The following QTRT1 variants were observed in gnomAD, a reference collection of about 807,000 sequenced individuals.
The protein encoded by QTRT1 is queuine tRNA-ribosyltransferase catalytic subunit 1, also known as TGT, 43-KD subunit.
A neutral mutation model predicts 44.0 loss-of-function variants in QTRT1; 41 were observed. The observed-to-expected ratio is 0.93, with a 90% confidence interval of 0.73 to 1.21. The LOEUF is 1.21. QTRT1 is among the 50% of genes most tolerant of loss of function. QTRT1 has a pLI of 0.00. For missense variants in QTRT1, 542 were observed against 575.8 expected, an observed-to-expected ratio of 0.94 and a Z score of 0.60; for synonymous variants, 226 against 237.1, an observed-to-expected ratio of 0.95 and a Z score of 0.43.
chr19:10,712,873 C>T lies in QTRT1; in HGVS notation c.971+6C>T. On this transcript the variant is annotated splice_donor_region_variant and intron_variant, in intron 8 of 9. Coordinates refer to ENST00000250237, the MANE Select transcript of QTRT1 (RefSeq NM_031209.3). The surrounding 1 kb of genome is among the most constrained non-coding windows in gnomAD (Gnocchi z 5.6). ...ACCTGCCCCACGTGCCAAAAGTAGG[C>T]AGGATGGCACTGGGAGCTGGGGCAG... 1 of 1,613,370 alleles carries T rather than the reference C, an allele frequency of 6.2e-7. No homozygotes were observed.
intron 3 of QTRT1, 38 bp from the exon 4 acceptor site, chr19:10,707,264 G>A (rs769343159): frequency 1.5e-5 from 24 of 1,606,892 alleles, no homozygotes; most frequent in Admixed American, 8.3e-5. Context: ...CAAGCATTGC[G>A]GGCTTTCCCA....
rs777332800 is a variant in QTRT1 at position 10,712,858 on chromosome 19, C to A, written c.962C>A (p.Thr321Lys). 1 of 1,613,730 alleles carries A rather than the reference C, an allele frequency of 6.2e-7. No homozygotes were observed. Among genetic ancestry groups the A allele is most frequent in the South Asian group, 1.1e-5 (1 of 91,076 alleles). ...ATAGACCCGGAGTGCACCTGCCCCA[C>A]GTGCCAAAAGTAGGCAGGATGGCAC... The part of the protein sequence containing the change: ...GPIDPECTCP[T>K]CQKHSRAFLH... Residue 321 changes from threonine to lysine, a missense_variant, in exon 8 of 10, where the codon ACG (threonine) becomes AAG (lysine). By Grantham distance (78) the Thr-to-Lys change is moderately conservative (BLOSUM62 -1). Transcript: ENST00000250237. The surrounding 1 kb of genome is among the most constrained non-coding windows in gnomAD (Gnocchi z 5.6).
chr19:10,712,369 T>G lies in QTRT1; in HGVS notation c.785+70T>G, dbSNP rs2068742907. 1.3e-6 allele frequency: 2 copies of G among 1,553,140 alleles called. No homozygotes were observed. The highest frequency in any genetic ancestry group is 2.7e-5 in the African/African-American group (2 of 73,602). ...GATTCCTGGGGACCCCCTACCCTGCTTGGGGAGGTGGCATTTGGGGGAAAC... is the reference window on the plus strand; with the variant it reads ...GATTCCTGGGGACCCCCTACCCTGCGTGGGGAGGTGGCATTTGGGGGAAAC... On this transcript the variant is annotated intron_variant, in intron 6 of 9. Coordinates refer to ENST00000250237, the MANE Select transcript of QTRT1 (RefSeq NM_031209.3). The surrounding 1 kb of genome is among the most constrained non-coding windows in gnomAD (Gnocchi z 5.6).
At chr19:10,708,765 T>A (rs924968621) in intron 5 of QTRT1, among the ~76,000 whole-genome samples, 1 of 151,090 alleles carries the variant, frequency 6.6e-6, no homozygotes, top group African/African-American at 2.4e-5. Context: ...TTTTTTTTTT[T>A]TCTTTTTTTT....
rs1599392005 is a variant in QTRT1 at position 10,701,589 on chromosome 19, T to A, written c.129T>A (p.Pro43=). The A allele has an allele frequency of 6.2e-7, 1 of 1,608,928 alleles. No homozygotes were observed. Among genetic ancestry groups the A allele is most frequent in the African/African-American group, 1.3e-5 (1 of 75,012 alleles). Residue 43 remains proline, a synonymous_variant, in exon 1 of 10, where the codon CCT becomes CCA. Coordinates refer to ENST00000250237, the MANE Select transcript of QTRT1 (RefSeq NM_031209.3). ...TGCCGCATGGGACAGTGGCCACTCCTGTGTTCATGCCAGTGGGCACGCAGG... is the reference window on the plus strand; with the variant it reads ...TGCCGCATGGGACAGTGGCCACTCCAGTGTTCATGCCAGTGGGCACGCAGG... ...LWLPHGTVAT[P]VFMPVGTQAT... is the part of the protein sequence containing the mutation.
chr19:10,711,852 G>A (rs1354752546), intron 5 of QTRT1: 1 of 483,848 alleles, frequency 2.1e-6, no homozygotes, highest in Non-Finnish European at 3.7e-6. Context: ...AACAGTTTCA[G>A]CTAAGGGACT....
intron 3 of QTRT1, among the ~76,000 whole-genome samples, chr19:10,704,003 G>A (rs924187780): frequency 6.6e-5 from 10 of 150,512 alleles, no homozygotes; most frequent in South Asian, 4.2e-4. Context: ...ATGCCACCAC[G>A]CCCAGCTAGT....
chr19:10,702,304 A>G, intron 3 of QTRT1, 50 bp downstream of exon 3: 2 of 1,588,158 alleles, frequency 1.3e-6, no homozygotes, highest in East Asian at 4.5e-5. Flanking sequence ...TCAGGGGGTG[A>G]AGTTTACACG....
chr19:10,707,834 TTG>T (rs2068721519), intron 5 of QTRT1, among the ~76,000 whole-genome samples: 1 of 27,500 alleles, frequency 3.6e-5, no homozygotes, highest in African/African-American at 3.4e-4. Context: ...TTGTTTGTTT[TTG>T]TTTTTTTTTT....
At chr19:10,705,475 G>A (rs1334845097) in intron 3 of QTRT1, among the ~76,000 whole-genome samples, 2 of 151,938 alleles carry the variant, frequency 1.3e-5, no homozygotes, top group Non-Finnish European at 2.9e-5. Flanking sequence ...CTGACCTAAG[G>A]TGATCCACCC....
chr19:10,701,792 A>C, intron 1 of QTRT1, 89 bp downstream of exon 1: 1 of 1,567,382 alleles, frequency 6.4e-7, no homozygotes, highest in South Asian at 1.2e-5. Flanking sequence ...CACTCCTCCC[A>C]AAGTCAATCG....
chr19:10,707,272 C>T (rs2068718060), intron 3 of QTRT1, 30 bp from the exon 4 acceptor site: 6 of 1,611,962 alleles, frequency 3.7e-6, no homozygotes, highest in Non-Finnish European at 5.1e-6. Flanking sequence ...GCGGGCTTTC[C>T]CAGTGATGTT....
chr19:10,712,531 C>T lies in QTRT1; in HGVS notation c.786-22C>T, dbSNP rs771992004. On this transcript the variant is annotated intron_variant, in intron 6 of 9. Coordinates refer to ENST00000250237, the MANE Select transcript of QTRT1 (RefSeq NM_031209.3). The surrounding 1 kb of genome is among the most constrained non-coding windows in gnomAD (Gnocchi z 5.6). ...AAGCCCCTGAGGTTCTCTGCCCCCTCCCGTCATGGCTGCAACCCCAGCTAT... is the reference window on the plus strand; with the variant it reads ...AAGCCCCTGAGGTTCTCTGCCCCCTTCCGTCATGGCTGCAACCCCAGCTAT... The T allele has an allele frequency of 4.3e-6, 7 of 1,609,664 alleles. No individual in the cohort carries two copies. Among genetic ancestry groups the T allele is most frequent in the Non-Finnish European group, 6.0e-6 (7 of 1,176,292 alleles).
Position 10,713,070 on chromosome 19 carries a change from G to T in QTRT1, c.1059+30G>T. The T allele has an allele frequency of 6.2e-7, 1 of 1,609,220 alleles. No homozygotes were observed. On this transcript the variant is annotated intron_variant, in intron 9 of 9. Transcript: ENST00000250237. The surrounding 1 kb of genome is among the most constrained non-coding windows in gnomAD (Gnocchi z 4.3). ...GCCAGTGCCCGGGGCAAGGTGGGCG[G>T]GGGTGTCCTAGGTGCGTATGCCCCA...
rs752054266 is a variant in QTRT1 at position 10,712,337 on chromosome 19, G to C, written c.785+38G>C. 5.1e-6 allele frequency: 8 copies of C among 1,581,446 alleles called. No individual in the cohort carries two copies. The African/African-American group carries it at 1.1e-4, about 21-fold the overall frequency. On this transcript the variant is annotated intron_variant, in intron 6 of 9. Coordinates refer to ENST00000250237, the MANE Select transcript of QTRT1 (RefSeq NM_031209.3). The surrounding 1 kb of genome is among the most constrained non-coding windows in gnomAD (Gnocchi z 5.6). The stretch of plus-strand genomic sequence containing the variant: ...TAGGGAAGCCAGAGCCCTACCTGTG[G>C]GAAGTGGATTCCTGGGGACCCCCTA...
chr19:10,704,693 T>C (rs1216769143), intron 3 of QTRT1, among the ~76,000 whole-genome samples: 1 of 152,014 alleles, frequency 6.6e-6, no homozygotes, highest in Non-Finnish European at 1.5e-5. Context: ...GTTCAAGCGA[T>C]TCTCCTGCCT....
rs1211008382 is a variant in QTRT1 at position 10,712,362 on chromosome 19, A to C, written c.785+63A>C. 3.2e-6 allele frequency: 5 copies of C among 1,561,868 alleles called. No individual in the cohort carries two copies. In the African/African-American group the frequency reaches 6.8e-5, roughly 21 times the overall value. ...GGAAGTGGATTCCTGGGGACCCCCT[A>C]CCCTGCTTGGGGAGGTGGCATTTGG... is the stretch of plus-strand genomic sequence containing the variant. On this transcript the variant is annotated intron_variant, in intron 6 of 9. Coordinates refer to ENST00000250237, the MANE Select transcript of QTRT1 (RefSeq NM_031209.3). The surrounding 1 kb of genome is among the most constrained non-coding windows in gnomAD (Gnocchi z 5.6).
At chr19:10,704,711 C>A (rs2068705132) in intron 3 of QTRT1, among the ~76,000 whole-genome samples, 1 of 152,056 alleles carries the variant, frequency 6.6e-6, no homozygotes, top group Admixed American at 6.6e-5. Context: ...CCTCAGCCTC[C>A]CGAGTAGCTG....
Position 10,712,207 on chromosome 19 carries a change from C to T in QTRT1, c.693C>T (p.Ser231=), listed in dbSNP as rs1337073516. The T allele has an allele frequency of 1.4e-5, 23 of 1,613,880 alleles. No individual in the cohort carries two copies. Among genetic ancestry groups the T allele is most frequent in the African/African-American group, 2.7e-5 (2 of 75,056 alleles). Residue 231 remains serine (S), a synonymous_variant, in exon 6 of 10, where the codon AGC becomes AGT. Coordinates refer to ENST00000250237, the MANE Select transcript of QTRT1 (RefSeq NM_031209.3). This position sits in a 1 kb window ranked among gnomAD's most constrained non-coding sequence, Gnocchi z 5.6. ...DVPGFAIGGL[S]GGESKSQFWR... is the part of the protein sequence containing the mutation. ...CTGGCTTCGCCATCGGGGGCCTGAGCGGGGGTGAGAGCAAGTCGCAGTTCT... is the reference window on the plus strand; with the variant it reads ...CTGGCTTCGCCATCGGGGGCCTGAGTGGGGGTGAGAGCAAGTCGCAGTTCT...
Sources: allele counts gnomAD v4.1 joint callset (sites outside exome capture counted in the v4.1 genomes callset), GRCh38; gene constraint gnomAD v4.1.1; non-coding constraint Gnocchi (gnomAD v3.1); transcripts MANE v1.5; gene names NCBI Gene and HGNC (gene_info 2026-07-23, HGNC 2026-07-21).